Variants in VWC2 observed in about 807,000 individuals in gnomAD.
The protein encoded by VWC2 is brorin.
Under a neutral mutation model 29.8 loss-of-function variants are expected in VWC2, and 14 were observed. That is an observed-to-expected ratio of 0.47 (90% CI 0.31 to 0.74). The LOEUF (loss-of-function observed/expected upper bound fraction) is 0.74. Ranked by LOEUF, VWC2 falls within the 30% of genes least tolerant of loss-of-function variation. The pLI, the probability that VWC2 is intolerant of heterozygous loss-of-function variation, is 0.05. For synonymous variants in VWC2, 213 were observed against 199.0 expected, an observed-to-expected ratio of 1.07 and a Z score of -0.59; for missense variants, 457 against 459.8, an observed-to-expected ratio of 0.99 and a Z score of 0.05.
intron 2 of VWC2, among the ~76,000 whole-genome samples, chr7:49,776,344 G>A (rs774182088): frequency 6.6e-6 from 1 of 152,174 alleles, no homozygotes; most frequent in Non-Finnish European, 1.5e-5. Context: ...GATTCCTTCG[G>A]TGTTCACTTT....
rs1020007817 is a variant in VWC2, at chr7:49,775,508, G to T, written c.73G>T (p.Ala25Ser). ...CCTGGTCACCTGCTGCCTGATGGTG[G>T]CTCTGTGCAGTCCGAGCATCCCGCT... ...SLLVTCCLMV[A>S]LCSPSIPLEK... Residue 25 changes from alanine to serine, a missense_variant, in exon 2 of 4, where the codon GCT becomes TCT. By Grantham distance (99) the Ala-to-Ser change is moderately conservative. Coordinates refer to ENST00000340652, the MANE Select transcript of VWC2 (RefSeq NM_198570.5). 5.7e-6 allele frequency: 9 copies of T among 1,573,226 alleles called. No homozygotes were observed. The highest frequency in any genetic ancestry group is 6.9e-6 in the Non-Finnish European group (8 of 1,164,592).
At chr7:49,853,521 C>T (rs1257809347) in intron 3 of VWC2, among the ~76,000 whole-genome samples, 1 of 151,918 alleles carries the variant, frequency 6.6e-6, no homozygotes, top group African/African-American at 2.4e-5. Context: ...TAAGATAGGT[C>T]CTAAGTTTTT....
chr7:49,805,115 A>G (rs1554330483), intron 3 of VWC2, among the ~76,000 whole-genome samples: 1 of 152,246 alleles, frequency 6.6e-6, no homozygotes, highest in Non-Finnish European at 1.5e-5. Context: ...GAGTAAAAAA[A>G]TGTACAAAAA....
In VWC2 at chr7:49,912,211, CT is replaced by C; in HGVS notation, c.*31del. 1 of 1,612,200 alleles carries C rather than the reference CT, an allele frequency of 6.2e-7. No individual in the cohort carries two copies. ...ACGCTTCCCAGAACACAAACTCTGA[CT>C]TTTTCTAGAACATTTTACTGATGTG... On this transcript the variant is annotated 3_prime_UTR_variant, in exon 4 of 4. Coordinates refer to ENST00000340652, the MANE Select transcript of VWC2 (RefSeq NM_198570.5).
chr7:49,794,374 G>C (rs908796064), intron 2 of VWC2, among the ~76,000 whole-genome samples: 7 of 152,148 alleles, frequency 4.6e-5, no homozygotes, highest in African/African-American at 1.4e-4. Flanking sequence ...CCACTTAATA[G>C]AGCATTCACA....
intron 3 of VWC2, among the ~76,000 whole-genome samples, chr7:49,890,222 T>A (rs567115128): frequency 1.5e-3 from 227 of 152,342 alleles, no homozygotes; most frequent in African/African-American, 5.1e-3. Flanking sequence ...ACTATCCTAA[T>A]AATTTTCCCA....
chr7:49,798,620 T>C (rs767643580), intron 2 of VWC2, among the ~76,000 whole-genome samples: 1 of 152,128 alleles, frequency 6.6e-6, no homozygotes, highest in Non-Finnish European at 1.5e-5. Flanking sequence ...CCTTAGGCAG[T>C]GTAGGGACTG....
Position 49,785,015 on chromosome 7 carries a change from A to G in VWC2, c.696+8884A>G, listed in dbSNP as rs1298303285. Among the ~76,000 whole-genome samples, 4 of 152,260 alleles carry G rather than the reference A, an allele frequency of 2.6e-5. No homozygotes were observed. The East Asian group carries it at 7.7e-4, about 29-fold the overall frequency. ...ATACTTATTTACATATATACATATAAAGAAAATGCTGGAATAAAGTGCATG... is the reference window on the plus strand; with the variant it reads ...ATACTTATTTACATATATACATATAGAGAAAATGCTGGAATAAAGTGCATG... On this transcript the variant is annotated intron_variant, in intron 2 of 3. Coordinates refer to ENST00000340652, the MANE Select transcript of VWC2 (RefSeq NM_198570.5).
chr7:49,852,930 T>C (rs1355015147), intron 3 of VWC2, among the ~76,000 whole-genome samples: 2 of 151,938 alleles, frequency 1.3e-5, no homozygotes, highest in African/African-American at 4.8e-5. Flanking sequence ...CAAGAATGAG[T>C]GTGGAGAAGT....
At chr7:49,850,251 C>T (rs1465646705) in intron 3 of VWC2, among the ~76,000 whole-genome samples, 1 of 152,196 alleles carries the variant, frequency 6.6e-6, no homozygotes, top group Non-Finnish European at 1.5e-5. Context: ...CACTTCATGC[C>T]ACACACCAGG....
chr7:49,795,695 A>G (rs934454632), intron 2 of VWC2, among the ~76,000 whole-genome samples: 2 of 152,168 alleles, frequency 1.3e-5, no homozygotes, highest in African/African-American at 4.8e-5. Context: ...TGTTTTCATA[A>G]TATGTTGTGT....
chr7:49,819,623 G>C (rs1789221485), intron 3 of VWC2, among the ~76,000 whole-genome samples: 1 of 152,236 alleles, frequency 6.6e-6, no homozygotes, highest in African/African-American at 2.4e-5. Flanking sequence ...ACATACATGG[G>C]AGATACCCAG....
intron 3 of VWC2, among the ~76,000 whole-genome samples, chr7:49,809,732 A>C (rs1315105389): frequency 6.6e-6 from 1 of 152,028 alleles, no homozygotes; most frequent in African/African-American, 2.4e-5. Context: ...CTCAAAAATC[A>C]ATTAACATAA....
At chr7:49,790,524 A>G (rs1788442226) in intron 2 of VWC2, among the ~76,000 whole-genome samples, 3 of 152,330 alleles carry the variant, frequency 2.0e-5, no homozygotes, top group South Asian at 4.1e-4. Context: ...TTCTGTTGCT[A>G]TAATCCTTGT....
intron 3 of VWC2, among the ~76,000 whole-genome samples, chr7:49,824,202 C>T (rs945288135): frequency 1.3e-5 from 2 of 152,166 alleles, no homozygotes; most frequent in South Asian, 2.1e-4. Flanking sequence ...GTTTCTCTTA[C>T]ATTGTCTTCC....
At chr7:49,807,710 A>T (rs988342482) in intron 3 of VWC2, among the ~76,000 whole-genome samples, 5 of 152,218 alleles carry the variant, frequency 3.3e-5, no homozygotes, top group Non-Finnish European at 5.9e-5. Flanking sequence ...TATCACTTTG[A>T]GTATGCAAAG....
chr7:49,911,964 C>T, intron 3 of VWC2, 70 bp from the exon 4 acceptor site: 1 of 946,902 alleles, frequency 1.1e-6, no homozygotes, highest in Non-Finnish European at 1.4e-6. Flanking sequence ...TACTGTAATG[C>T]TTAATACCTA....
At chr7:49,844,881 C>T (rs1789885452) in intron 3 of VWC2, among the ~76,000 whole-genome samples, 1 of 151,984 alleles carries the variant, frequency 6.6e-6, no homozygotes, top group South Asian at 2.1e-4. Context: ...TTTAGTTTCA[C>T]CATGTTGGCC....
At chr7:49,802,051 G>A (rs903898331) in intron 2 of VWC2, among the ~76,000 whole-genome samples, 1 of 152,224 alleles carries the variant, frequency 6.6e-6, no homozygotes, top group African/African-American at 2.4e-5. Context: ...GTGAGGGGAT[G>A]GGCAAGAACT....
Sources: allele counts gnomAD v4.1 joint callset (sites outside exome capture counted in the v4.1 genomes callset), GRCh38; gene constraint gnomAD v4.1.1; transcripts MANE v1.5; gene names NCBI Gene and HGNC (gene_info 2026-07-23, HGNC 2026-07-21).